Variants in ADCY2 observed in about 807,000 individuals in gnomAD.
ADCY2 encodes adenylate cyclase type 2.
In ADCY2, 31 loss-of-function variants were observed where a neutral mutation model predicts 125.2. The ratio of observed to expected loss-of-function variants is 0.25; its 90% confidence interval spans 0.19 to 0.33. ADCY2 has a LOEUF of 0.33. Among genes scored for constraint, ADCY2 ranks in the 10% least tolerant of loss-of-function variants. The pLI, the probability that ADCY2 is intolerant of heterozygous loss-of-function variation, is 1.00. For synonymous variants in ADCY2, 512 were observed against 548.4 expected (o/e 0.93, Z 0.93); for missense variants, 904 against 1,418.2 (o/e 0.64, Z 5.82).
At chr5:7,507,768 G>A (rs1404108790) in intron 2 of ADCY2, among the ~76,000 whole-genome samples, 2 of 152,102 alleles carry the variant, frequency 1.3e-5, no homozygotes, top group Non-Finnish European at 2.9e-5. Flanking sequence ...TGAATACCCC[G>A]TGTACTGAGT....
intron 18 of ADCY2, among the ~76,000 whole-genome samples, chr5:7,776,872 T>C (rs901096128): frequency 4.6e-5 from 7 of 152,172 alleles, no homozygotes; most frequent in African/African-American, 1.7e-4. Context: ...ACTCCAGGAC[T>C]TGTACAGCAG....
chr5:7,618,956 CT>C (rs1353038329), intron 3 of ADCY2, among the ~76,000 whole-genome samples: 1 of 152,102 alleles, frequency 6.6e-6, no homozygotes, highest in Non-Finnish European at 1.5e-5. Context: ...TGTGTCATTA[CT>C]TTGGGAGACA....
At chr5:7,675,936 C>G (rs59715591) in intron 4 of ADCY2, among the ~76,000 whole-genome samples, 1 of 152,046 alleles carries the variant, frequency 6.6e-6, no homozygotes, top group South Asian at 2.1e-4. Flanking sequence ...ATAGTTTTCC[C>G]GATAAAGAAC....
chr5:7,480,994 A>G (rs1004672518), intron 2 of ADCY2, among the ~76,000 whole-genome samples: 1 of 152,140 alleles, frequency 6.6e-6, no homozygotes, highest in African/African-American at 2.4e-5. Flanking sequence ...TTTGGGGTAT[A>G]TACTGAGGAG....
intron 2 of ADCY2, among the ~76,000 whole-genome samples, chr5:7,453,804 AGTGTGTTTACCG>A (rs564242087): frequency 4.6e-4 from 70 of 152,028 alleles, no homozygotes; most frequent in African/African-American, 1.5e-3. Flanking sequence ...GAGCATGCAG[AGTGTGTTTACCG>A]GAGTTGTACT....
chr5:7,442,414 C>G (rs2894875), intron 2 of ADCY2, among the ~76,000 whole-genome samples: 2,260 of 152,268 alleles, frequency 0.015, 26 homozygotes, highest in Non-Finnish European at 0.022. Flanking sequence ...AGCGGTACCT[C>G]TAATGGCTTC....
chr5:7,431,187 A>C (rs998248356), intron 2 of ADCY2, among the ~76,000 whole-genome samples: 15 of 152,194 alleles, frequency 9.9e-5, no homozygotes, highest in African/African-American at 3.4e-4. Context: ...TATTGGTGTA[A>C]AAATAGACAT....
At chr5:7,403,951 C>CAT (rs1490456236) in intron 1 of ADCY2, among the ~76,000 whole-genome samples, 17 of 151,714 alleles carry the variant, frequency 1.1e-4, no homozygotes, top group Non-Finnish European at 4.4e-5. Context: ...CACACACACA[C>CAT]ACACACACAC....
chr5:7,429,185 G>A (rs1026596777), intron 2 of ADCY2, among the ~76,000 whole-genome samples: 1 of 152,184 alleles, frequency 6.6e-6, no homozygotes, highest in South Asian at 2.1e-4. Flanking sequence ...CCCTGAAAGA[G>A]CAGGTACAGT....
intron 1 of ADCY2, among the ~76,000 whole-genome samples, chr5:7,406,569 T>C (rs1234507343): frequency 6.6e-6 from 1 of 152,320 alleles, no homozygotes; most frequent in Admixed American, 6.5e-5. Context: ...TAGGAGATAG[T>C]CCCCTTTTCT....
At chr5:7,418,795 A>G (rs938431642) in intron 2 of ADCY2, among the ~76,000 whole-genome samples, 1 of 151,402 alleles carries the variant, frequency 6.6e-6, no homozygotes, top group Admixed American at 6.6e-5. Context: ...AGCTGGGATT[A>G]TAGGCACGTG....
chr5:7,812,026 T>C (rs1744960025), intron 22 of ADCY2, among the ~76,000 whole-genome samples: 1 of 152,174 alleles, frequency 6.6e-6, no homozygotes. Flanking sequence ...CAGCAATTCC[T>C]GTGTGAGGTG....
chr5:7,799,088 G>A (rs1736057941), intron 20 of ADCY2: 1 of 152,218 alleles, frequency 6.6e-6, no homozygotes, highest in Admixed American at 6.5e-5. Context: ...ATGGTTACAT[G>A]TGAATGAATG....
intron 2 of ADCY2, among the ~76,000 whole-genome samples, chr5:7,485,041 G>C (rs1029691053): frequency 2.0e-5 from 3 of 152,126 alleles, no homozygotes; most frequent in African/African-American, 7.2e-5. Flanking sequence ...CACAGAATGA[G>C]CCCATTCAGC....
At chr5:7,494,326 C>T (rs1193879550) in intron 2 of ADCY2, among the ~76,000 whole-genome samples, 1 of 152,036 alleles carries the variant, frequency 6.6e-6, no homozygotes, top group African/African-American at 2.4e-5. Context: ...TTCTGTAGCT[C>T]CTCATACCCC....
chr5:7,818,397 C>G (rs1745186335), intron 23 of ADCY2, among the ~76,000 whole-genome samples: 1 of 150,198 alleles, frequency 6.7e-6, no homozygotes, highest in African/African-American at 2.5e-5. Context: ...TGCTCTGTCA[C>G]CCAGGCTGGA....
At chr5:7,528,791 A>T (rs1293811385) in intron 3 of ADCY2, among the ~76,000 whole-genome samples, 1 of 152,204 alleles carries the variant, frequency 6.6e-6, no homozygotes, top group Non-Finnish European at 1.5e-5. Context: ...TTGATCCATT[A>T]CTTACAAAGA....
At chr5:7,725,778 A>G (rs1172497111) in intron 13 of ADCY2, among the ~76,000 whole-genome samples, 1 of 152,236 alleles carries the variant, frequency 6.6e-6, no homozygotes, top group Non-Finnish European at 1.5e-5. Flanking sequence ...CATTTCAGCA[A>G]TGATGCTAAT....
Position 7,439,267 on chromosome 5 carries a change from G to T in ADCY2, c.408+24497G>T, listed in dbSNP as rs140463593. Among the ~76,000 whole-genome samples, 481 of 152,250 alleles carry T rather than the reference G, an allele frequency of 3.2e-3. 1 individual carries two copies. Among genetic ancestry groups the T allele is most frequent in the African/African-American group, 0.011 (457 of 41,544 alleles). On this transcript the variant is annotated intron_variant, in intron 2 of 24. Coordinates refer to ENST00000338316, the MANE Select transcript of ADCY2 (RefSeq NM_020546.3). ...AATTGACTCACAGTTTTACCTGGCT[G>T]GGCAGGCCTCACAATCATGGCTCAA...
Sources: allele counts gnomAD v4.1 joint callset (sites outside exome capture counted in the v4.1 genomes callset), GRCh38; gene constraint gnomAD v4.1.1; transcripts MANE v1.5; gene names NCBI Gene and HGNC (gene_info 2026-07-23, HGNC 2026-07-21).